Variants in TRIM9 observed in about 807,000 individuals in gnomAD.
The protein encoded by TRIM9 is E3 ubiquitin-protein ligase TRIM9.
TRIM9 carries 26 observed loss-of-function variants against 78.3 expected under a neutral mutation model. The ratio of observed to expected loss-of-function variants is 0.33; its 90% CI spans 0.24 to 0.46. TRIM9 has a LOEUF of 0.46. TRIM9 is among the 20% of genes least tolerant of loss of function. TRIM9 has a pLI of 1.00. For missense variants in TRIM9, 787 were observed against 1,036.4 expected, an observed-to-expected ratio of 0.76 and a Z score of 3.30; for synonymous variants, 398 against 416.5, an observed-to-expected ratio of 0.96 and a Z score of 0.54.
chr14:50,995,418 C>T, intron 7 of TRIM9, among the ~76,000 whole-genome samples: 1 of 152,120 alleles, frequency 6.6e-6, no homozygotes, highest in Non-Finnish European at 1.5e-5. Flanking sequence ...ACACAGTGGT[C>T]ACTTATCAAG....
At chr14:51,017,810 G>C (rs960069081) in intron 3 of TRIM9, among the ~76,000 whole-genome samples, 7 of 152,294 alleles carry the variant, frequency 4.6e-5, no homozygotes, top group Middle Eastern at 3.4e-3. Context: ...TGAGTGGGGG[G>C]GCTGTTCAGG....
intron 3 of TRIM9, among the ~76,000 whole-genome samples, chr14:51,017,805 G>C (rs1026312698): frequency 1.3e-5 from 2 of 152,238 alleles, no homozygotes; most frequent in African/African-American, 2.4e-5. Context: ...CAAAGTGAGT[G>C]GGGGGGCTGT....
At chr14:51,080,043 CTAGGG>C (rs764690932) in intron 1 of TRIM9, among the ~76,000 whole-genome samples, 14 of 152,070 alleles carry the variant, frequency 9.2e-5, no homozygotes, top group Non-Finnish European at 1.9e-4. Flanking sequence ...GTGCTTTTTG[CTAGGG>C]TAGGAGTCAA....
chr14:51,009,019 C>T, intron 5 of TRIM9, 61 bp downstream of exon 5: 1 of 1,566,172 alleles, frequency 6.4e-7, no homozygotes, highest in Non-Finnish European at 8.7e-7. Context: ...ACTGATCCTG[C>T]TTCAAGCACC....
In TRIM9 at chr14:51,094,844, C is replaced by A. The variant is rs1278284748; in HGVS notation, c.96G>T (p.Ala32=). ...ILPCSHNLCQ[A]CARNILVQTP... ...TCTGCACCAGGATGTTGCGGGCGCA[C>A]GCCTGACACAAATTGTGAGAGCAGG... is the stretch of plus-strand genomic sequence containing the variant. The change falls in exon 1 of 13, where the codon GCG becomes GCT. Residue 32 remains alanine (A), a synonymous_variant. Transcript: ENST00000684578. The A allele has an allele frequency of 2.6e-6, 4 of 1,532,836 alleles. No individual in the cohort carries two copies. Among genetic ancestry groups the A allele is most frequent in the Non-Finnish European group, 2.6e-6 (3 of 1,145,148 alleles). 95.0% of individuals were successfully genotyped at this position (1,532,836 alleles called of 1,614,324 possible).
chr14:51,006,246 C>A (rs1306171482), intron 5 of TRIM9, among the ~76,000 whole-genome samples: 1 of 152,202 alleles, frequency 6.6e-6, no homozygotes, highest in Non-Finnish European at 1.5e-5. Flanking sequence ...GTTAGTTTCA[C>A]AATGGACGGA....
intron 8 of TRIM9, 116 bp downstream of exon 8, chr14:50,985,840 C>CA: frequency 3.2e-6 from 3 of 947,112 alleles, no homozygotes; most frequent in Non-Finnish European, 4.3e-6. Context: ...AGGCCACAGA[C>CA]AGAGACTAGC....
At chr14:51,092,788 A>G (rs1480188980) in intron 1 of TRIM9, among the ~76,000 whole-genome samples, 2 of 152,180 alleles carry the variant, frequency 1.3e-5, no homozygotes, top group Non-Finnish European at 2.9e-5. Context: ...ACAGGGAGCA[A>G]TAGATAAATA....
At chr14:51,016,576 CTAA>C (rs2057225761) in intron 3 of TRIM9, among the ~76,000 whole-genome samples, 1 of 148,630 alleles carries the variant, frequency 6.7e-6, no homozygotes, top group South Asian at 2.1e-4. Flanking sequence ...TATATTAATA[CTAA>C]TAACATAATT....
intron 1 of TRIM9, among the ~76,000 whole-genome samples, chr14:51,087,184 A>C (rs1173436929): frequency 6.6e-6 from 1 of 151,902 alleles, no homozygotes; most frequent in African/African-American, 2.4e-5. Context: ...GGTTTGGTCT[A>C]AGAAACTGGG....
chr14:50,997,059 T>A, intron 7 of TRIM9: 1 of 985,400 alleles, frequency 1.0e-6, no homozygotes, highest in Non-Finnish European at 1.2e-6. Flanking sequence ...AAAATCAACA[T>A]AATTAGTTCT....
chr14:51,007,882 G>A (rs80082801), intron 5 of TRIM9, among the ~76,000 whole-genome samples: 2,693 of 151,562 alleles, frequency 0.018, 28 homozygotes, highest in Non-Finnish European at 0.025. Context: ...CCAAGTACAG[G>A]AACGCATTTA....
At position 51,094,721 on chromosome 14, in the gene TRIM9, C is replaced by A; in HGVS notation, c.219G>T (p.Glu73Asp). ...CGTAGGAGCCATAGCCGCTGTCCGC[C>A]TCGCTGTATAGGCTCATCTTGTCCA... is the stretch of plus-strand genomic sequence containing the variant. ...LDLDKMSLYS[E>D]ADSGYGSYGG... The change falls in exon 1 of 13, where the codon GAG becomes GAT. Residue 73 changes from glutamate to aspartate, a missense_variant. Physicochemically the swap from Glu to Asp is conservative, Grantham distance 45. This residue lies in a region of TRIM9 where 352 missense variants were observed against 472.3 expected (regional missense o/e 0.75). Transcript: ENST00000684578. 1 of 1,554,862 alleles carries A rather than the reference C, an allele frequency of 6.4e-7. No homozygotes were observed. Among genetic ancestry groups the A allele is most frequent in the Admixed American group, 1.9e-5 (1 of 53,032 alleles).
intron 1 of TRIM9, among the ~76,000 whole-genome samples, chr14:51,079,193 C>T (rs1300330092): frequency 6.6e-6 from 1 of 152,092 alleles, no homozygotes; most frequent in African/African-American, 2.4e-5. Context: ...ACTTTGTTCT[C>T]GTAAAAGGGA....
intron 1 of TRIM9, among the ~76,000 whole-genome samples, chr14:51,047,314 ACAGT>A (rs1298952043): frequency 6.6e-6 from 1 of 152,184 alleles, no homozygotes; most frequent in Non-Finnish European, 1.5e-5. Flanking sequence ...CCCAGGTAAG[ACAGT>A]CAGTCATCAC....
intron 1 of TRIM9, among the ~76,000 whole-genome samples, chr14:51,075,366 T>TA (rs1040940076): frequency 3.3e-5 from 5 of 152,234 alleles, no homozygotes; most frequent in East Asian, 3.9e-4. Context: ...TTTTTTTCTT[T>TA]AAAAAAAATG....
chr14:51,052,618 A>G (rs1247902193), intron 1 of TRIM9, among the ~76,000 whole-genome samples: 1 of 152,236 alleles, frequency 6.6e-6, no homozygotes, highest in Non-Finnish European at 1.5e-5. Context: ...CCTCTGATTT[A>G]AAGTAGGAAT....
chr14:51,088,834 G>A (rs2064028661), intron 1 of TRIM9: 1 of 152,166 alleles, frequency 6.6e-6, no homozygotes, highest in South Asian at 2.1e-4. Context: ...GCATCAGAAT[G>A]CAGCCTTCTA....
intron 1 of TRIM9, among the ~76,000 whole-genome samples, chr14:51,052,526 T>C (rs909375314): frequency 2.6e-5 from 4 of 152,220 alleles, no homozygotes; most frequent in Non-Finnish European, 4.4e-5. Context: ...ATGGATTTGA[T>C]GTGAAATGGG....
Sources: allele counts gnomAD v4.1 joint callset (sites outside exome capture counted in the v4.1 genomes callset), GRCh38; gene constraint gnomAD v4.1.1; regional missense constraint gnomAD v4.1.1; transcripts MANE v1.5; gene names NCBI Gene and HGNC (gene_info 2026-07-23, HGNC 2026-07-21).